Variants in MIA2 observed in about 807,000 individuals in gnomAD.
The protein encoded by MIA2 is melanoma inhibitory activity protein 2.
A neutral mutation model predicts 167.8 loss-of-function variants in MIA2; 127 were observed. The ratio of observed to expected loss-of-function variants is 0.76; its 90% CI spans 0.66 to 0.88. MIA2 has a LOEUF of 0.88. Among genes scored for constraint, MIA2 ranks in the 40% least tolerant of loss-of-function variants. MIA2 has a pLI of 0.00. For missense variants in MIA2, 1,690 were observed against 1,624.7 expected, an observed-to-expected ratio of 1.04 and a Z score of -0.69; for synonymous variants, 552 against 541.9, an observed-to-expected ratio of 1.02 and a Z score of -0.26.
intron 2 of MIA2, among the ~76,000 whole-genome samples, chr14:39,238,403 C>T (rs1039520059): frequency 6.6e-6 from 1 of 151,840 alleles, no homozygotes; most frequent in African/African-American, 2.4e-5. Context: ...GAACTCTTGA[C>T]CTCAGGTGAT....
At chr14:39,241,298 A>C (rs1228804929) in intron 3 of MIA2, among the ~76,000 whole-genome samples, 1 of 152,180 alleles carries the variant, frequency 6.6e-6, no homozygotes, top group East Asian at 1.9e-4. Context: ...TTTACCTTAA[A>C]TAAGGTCAGC....
At chr14:39,288,460 T>G (rs1422583308) in intron 9 of MIA2, among the ~76,000 whole-genome samples, 3 of 15,962 alleles carry the variant, frequency 1.9e-4, no homozygotes, top group Non-Finnish European at 3.2e-4. Context: ...TATATATATA[T>G]ATATATATAT....
intron 25 of MIA2, among the ~76,000 whole-genome samples, chr14:39,335,021 A>T (rs58066390): frequency 0.019 from 2,929 of 152,170 alleles, 106 homozygotes; most frequent in African/African-American, 0.067. Context: ...AGGATGAGGT[A>T]GGAGGATTGC....
At chr14:39,244,402 G>A (rs2054197402) in intron 3 of MIA2, among the ~76,000 whole-genome samples, 1 of 152,210 alleles carries the variant, frequency 6.6e-6, no homozygotes, top group East Asian at 1.9e-4. Context: ...TCTTACAGAT[G>A]AAGGAGATTG....
chr14:39,314,897 T>C (rs1208489329), intron 20 of MIA2, 98 bp downstream of exon 20: 1 of 954,418 alleles, frequency 1.0e-6, no homozygotes, highest in East Asian at 3.0e-5. Context: ...ATATAATTAC[T>C]TGACCAGTTG....
intron 11 of MIA2, 95 bp downstream of exon 11, chr14:39,293,476 A>G: frequency 2.3e-6 from 2 of 878,874 alleles, no homozygotes; most frequent in South Asian, 3.9e-5. Context: ...ACATTATTGT[A>G]AAAAATGTAA....
intron 4 of MIA2, among the ~76,000 whole-genome samples, chr14:39,250,665 C>T (rs2054522865): frequency 6.7e-6 from 1 of 150,186 alleles, no homozygotes; most frequent in Admixed American, 6.7e-5. Flanking sequence ...CACTGCACTC[C>T]AGCCTGGGCA....
At chr14:39,385,834 T>C in intron 23 of MIA2, 1 of 963,472 alleles carries the variant, frequency 1.0e-6, no homozygotes, top group Non-Finnish European at 1.7e-6. Context: ...GGAAACAGGA[T>C]GCCCTTGTCC....
Position 39,247,797 on chromosome 14 carries a change from C to A in MIA2, c.1223C>A (p.Ala408Glu). The A allele has an allele frequency of 6.2e-7, 1 of 1,612,398 alleles. No homozygotes were observed. The highest frequency in any genetic ancestry group is 8.5e-7 in the Non-Finnish European group (1 of 1,179,700). Residue 408 changes from alanine (A) to glutamate (E), a missense_variant, in exon 4 of 29, where the codon GCA becomes GAA. Ala to Glu is a moderately radical substitution (Grantham distance 107). Transcript: ENST00000640607. ...AGGAAAAATGAAGAAGATGGTGGGG[C>A]AGATGAACATGAACATCCTCTAACA... ...DDRKNEEDGG[A>E]DEHEHPLTSE...
At chr14:39,291,558 G>A (rs73277456) in intron 10 of MIA2, among the ~76,000 whole-genome samples, 2,802 of 152,216 alleles carry the variant, frequency 0.018, 96 homozygotes, top group African/African-American at 0.064. Context: ...TTAGGCCAGA[G>A]GTTTACGTTA....
intron 14 of MIA2, 144 bp downstream of exon 14, chr14:39,300,130 G>T: frequency 9.9e-7 from 1 of 1,009,164 alleles, no homozygotes. Context: ...GTTTCTTGAA[G>T]ACTTACAGAT....
chr14:39,352,899 G>A (rs1446037171), downstream of MIA2, among the ~76,000 whole-genome samples: 6 of 152,044 alleles, frequency 3.9e-5, no homozygotes, highest in Admixed American at 6.5e-5. Flanking sequence ...TAATCTTTTA[G>A]TGATTTTTCA....
intron 24 of MIA2, 38 bp from the exon 25 acceptor site, chr14:39,326,826 G>A (rs1175779244): frequency 1.3e-6 from 2 of 1,518,152 alleles, no homozygotes; most frequent in Admixed American, 2.5e-5. Context: ...GACTTTTTAA[G>A]ATGAAACAGA....
chr14:39,247,349 G>A lies in MIA2; in HGVS notation c.775G>A (p.Glu259Lys). 1 of 1,614,084 alleles carries A rather than the reference G, an allele frequency of 6.2e-7. No individual in the cohort carries two copies. Among genetic ancestry groups the A allele is most frequent in the Non-Finnish European group, 8.5e-7 (1 of 1,180,012 alleles). ...ATTTCGGAGTAGAAAAATAGCAGTGGAAGATGAGAATGACCTAGAGGAATT... is the reference window on the plus strand; with the variant it reads ...ATTTCGGAGTAGAAAAATAGCAGTGAAAGATGAGAATGACCTAGAGGAATT... ...SSFRSRKIAVEDENDLEELNN... is the reference protein window; with the variant it reads ...SSFRSRKIAVKDENDLEELNN... Residue 259 changes from glutamate (E) to lysine (K), a missense_variant, in exon 4 of 29, where the codon GAA (glutamate) becomes AAA (lysine). By Grantham distance (56) the Glu-to-Lys change is moderately conservative. Coordinates refer to ENST00000640607, the MANE Select transcript of MIA2 (RefSeq NM_001329214.4).
intron 13 of MIA2, among the ~76,000 whole-genome samples, chr14:39,299,068 T>TAAAAAAAAAA (rs3065043): frequency 4.5e-5 from 2 of 44,024 alleles, no homozygotes; most frequent in Admixed American, 3.8e-4. Context: ...TCCCTGCCTC[T>TAAAAAAAAAA]AAAAAAAAAA....
chr14:39,371,830 C>G (rs1218746118), intron 23 of MIA2, among the ~76,000 whole-genome samples: 4 of 152,178 alleles, frequency 2.6e-5, no homozygotes, highest in Non-Finnish European at 5.9e-5. Flanking sequence ...CTGTCTTAGT[C>G]TCCTGGGCTT....
intron 23 of MIA2, among the ~76,000 whole-genome samples, chr14:39,380,691 CAAA>C (rs145179098): frequency 5.9e-3 from 503 of 84,974 alleles, no homozygotes; most frequent in Non-Finnish European, 8.8e-3. Context: ...GACTCAGACT[CAAA>C]AAAAAAAAAA....
At chr14:39,266,575 A>C in intron 6 of MIA2, 4 of 985,368 alleles carry the variant, frequency 4.1e-6, no homozygotes, top group Non-Finnish European at 4.8e-6. Flanking sequence ...GACAGGTTAA[A>C]CTCTGACCAA....
chr14:39,346,097 A>C, intron 26 of MIA2, 71 bp downstream of exon 26: 1 of 1,314,816 alleles, frequency 7.6e-7, no homozygotes, highest in South Asian at 1.2e-5. Context: ...AGTTAGAATA[A>C]AGACCAATAT....
Sources: gnomAD v4.1 joint callset for allele counts (sites outside exome capture counted in the v4.1 genomes callset) on GRCh38, gnomAD v4.1.1 for gene constraint, MANE v1.5 for transcripts, NCBI Gene and HGNC (gene_info 2026-07-23, HGNC 2026-07-21) for gene names.